The following INTS6 variants were observed in gnomAD, a reference collection of about 807,000 sequenced individuals.
The protein encoded by INTS6 is integrator complex subunit 6.
In INTS6, 16 loss-of-function variants were observed where a neutral mutation model predicts 104.9. The observed-to-expected ratio is 0.15, with a 90% confidence interval of 0.10 to 0.23. The LOEUF (loss-of-function observed/expected upper bound fraction) is 0.23, where lower values mean the gene tolerates loss of function less well. INTS6 is among the 10% of genes least tolerant of loss of function. INTS6 has a pLI of 1.00. For missense variants in INTS6, 584 were observed against 1,062.8 expected, an observed-to-expected ratio of 0.55 and a Z score of 6.26; for synonymous variants, 324 against 358.7, an observed-to-expected ratio of 0.90 and a Z score of 1.09.
chr13:51,338,443 ATAGG>A, the INTS6 span, among the ~76,000 whole-genome samples: 3 of 119,534 alleles, frequency 2.5e-5, no homozygotes, highest in African/African-American at 9.4e-5. Flanking sequence ...GGATGGATGG[ATAGG>A]TGGATGGATG....
Position 51,452,314 on chromosome 13 carries a change from G to T in INTS6, c.111+101C>A, listed in dbSNP as rs1360662182. 7.9e-6 allele frequency: 9 copies of T among 1,145,574 alleles called. No individual in the cohort carries two copies. In the South Asian group the frequency reaches 1.1e-4, roughly 14 times the overall value. The allele number at this position is 1,145,574 out of a possible 1,614,324, so 71.0% of individuals were successfully genotyped here. Reference sequence around the variant, plus strand: ...GGGGTCCCCGAGCCCGGCAGCTCCCGCAGTCAGGTCCCCGACACCCCCGCC... The same window carrying T: ...GGGGTCCCCGAGCCCGGCAGCTCCCTCAGTCAGGTCCCCGACACCCCCGCC... On this transcript the variant is annotated intron_variant, in intron 1 of 17. Transcript: ENST00000311234. This position sits in a 1 kb window ranked among gnomAD's most constrained non-coding sequence, Gnocchi z 4.2.
chr13:51,346,998 A>G, the INTS6 span: 1 of 1,533,238 alleles, frequency 6.5e-7, no homozygotes, highest in Non-Finnish European at 8.9e-7. Context: ...CATTTAACCC[A>G]TGGCCACCTT....
intron 4 of INTS6, among the ~76,000 whole-genome samples, chr13:51,417,352 C>T (rs1222718711): frequency 1.3e-5 from 2 of 151,944 alleles, no homozygotes; most frequent in Non-Finnish European, 2.9e-5. Flanking sequence ...GTCTTTGATC[C>T]ATTTTGATCT....
the INTS6 span, among the ~76,000 whole-genome samples, chr13:51,343,242 G>T: frequency 1.1e-4 from 17 of 152,308 alleles, no homozygotes; most frequent in Non-Finnish European, 2.2e-4. Context: ...TACAGGGAGG[G>T]TTTGTAGATA....
intron 3 of INTS6, chr13:51,440,839 T>TA (rs1342447501): frequency 1.3e-5 from 2 of 152,232 alleles, no homozygotes; most frequent in East Asian, 3.8e-4. Flanking sequence ...CAGATCTGCC[T>TA]AATGGTGCAG....
chr13:51,428,629 G>C (rs1281487124), intron 4 of INTS6, among the ~76,000 whole-genome samples: 1 of 151,814 alleles, frequency 6.6e-6, no homozygotes, highest in African/African-American at 2.4e-5. Flanking sequence ...CGGCTAAAAT[G>C]AATTTTTATT....
intron 4 of INTS6, among the ~76,000 whole-genome samples, chr13:51,404,097 C>T (rs1490206579): frequency 7.4e-6 from 1 of 134,940 alleles, no homozygotes; most frequent in African/African-American, 2.8e-5. Context: ...CACACACACA[C>T]ACACACAGAG....
At chr13:51,446,406 T>C (rs1593780450) in intron 3 of INTS6, 1 of 152,028 alleles carries the variant, frequency 6.6e-6, no homozygotes, top group East Asian at 1.9e-4. Context: ...AAACAGAAAA[T>C]TGTGTTAGTG....
At chr13:51,336,247 G>A in the INTS6 span, among the ~76,000 whole-genome samples, 3,007 of 152,212 alleles carry the variant, frequency 0.02, 101 homozygotes, top group African/African-American at 0.069. Flanking sequence ...CAGCACTTTG[G>A]GAGACTGAGG....
chr13:51,440,264 G>GT (rs1952770555), intron 3 of INTS6: 1 of 149,928 alleles, frequency 6.7e-6, no homozygotes, highest in Non-Finnish European at 1.5e-5. Flanking sequence ...AAAAAAAAAA[G>GT]TTTTTAAAAA....
intron 3 of INTS6, among the ~76,000 whole-genome samples, chr13:51,355,710 C>A (rs1955470834): frequency 6.6e-6 from 1 of 152,148 alleles, no homozygotes; most frequent in Non-Finnish European, 1.5e-5. Context: ...TACTACCAAT[C>A]AATAGGTGCT....
At chr13:51,408,146 G>GTTT (rs541254081) in intron 4 of INTS6, among the ~76,000 whole-genome samples, 1 of 141,060 alleles carries the variant, frequency 7.1e-6, no homozygotes, top group African/African-American at 2.6e-5. Flanking sequence ...ATTGAGATGG[G>GTTT]TTTTTTTTTT....
chr13:51,353,199 T>C (rs998533044), downstream of INTS6, among the ~76,000 whole-genome samples: 1 of 151,970 alleles, frequency 6.6e-6, no homozygotes, highest in Non-Finnish European at 1.5e-5. Flanking sequence ...CTTTTACTGA[T>C]GTTTTTAGTT....
intron 4 of INTS6, among the ~76,000 whole-genome samples, chr13:51,424,694 T>C (rs1956956812): frequency 6.6e-6 from 1 of 152,036 alleles, no homozygotes; most frequent in Non-Finnish European, 1.5e-5. Flanking sequence ...ATTTAGAACA[T>C]CTGAATCGCA....
chr13:51,425,365 G>A (rs1369059137), intron 4 of INTS6, among the ~76,000 whole-genome samples: 1 of 151,998 alleles, frequency 6.6e-6, no homozygotes, highest in African/African-American at 2.4e-5. Flanking sequence ...TCCTAGTTGG[G>A]CTTAAAAAGC....
At chr13:51,448,480 C>T (rs1952968880) in intron 3 of INTS6, 1 of 152,096 alleles carries the variant, frequency 6.6e-6, no homozygotes. Flanking sequence ...ATTCTTTTTT[C>T]TCAGTTACTT....
intron 4 of INTS6, among the ~76,000 whole-genome samples, chr13:51,417,677 G>C (rs1243788753): frequency 1.3e-5 from 2 of 151,930 alleles, no homozygotes; most frequent in African/African-American, 4.8e-5. Context: ...GGCTGGTCTC[G>C]AACTCCTGAG....
intron 7 of INTS6, among the ~76,000 whole-genome samples, chr13:51,386,103 C>T (rs889624479): frequency 6.6e-6 from 1 of 152,158 alleles, no homozygotes; most frequent in African/African-American, 2.4e-5. Flanking sequence ...CTCCTCTAAA[C>T]ATACCTTGTT....
intron 3 of INTS6, chr13:51,443,303 A>G (rs548496637): frequency 2.2e-4 from 34 of 152,308 alleles, no homozygotes; most frequent in African/African-American, 7.9e-4. Context: ...AAATAATAAT[A>G]AAACACAGAA....
Sources: gnomAD v4.1 joint callset for allele counts (sites outside exome capture counted in the v4.1 genomes callset) on GRCh38, gnomAD v4.1.1 for gene constraint, Gnocchi (gnomAD v3.1) non-coding constraint, MANE v1.5 for transcripts, NCBI Gene and HGNC (gene_info 2026-07-23, HGNC 2026-07-21) for gene names.